Variants in SPTBN4 observed in about 807,000 individuals in gnomAD.
The protein encoded by SPTBN4 is spectrin beta chain, non-erythrocytic 4.
In SPTBN4, 96 loss-of-function variants were observed where a neutral mutation model predicts 277.8. The ratio of observed to expected loss-of-function variants is 0.35; its 90% CI spans 0.29 to 0.41. The LOEUF is 0.41. Ranked by LOEUF, SPTBN4 falls within the 10% of genes least tolerant of loss-of-function variation. SPTBN4 has a pLI of 1.00. For synonymous variants in SPTBN4, 1,481 were observed against 1,580.3 expected (o/e 0.94, Z 1.49); for missense variants, 3,006 against 3,595.7 (o/e 0.84, Z 4.19).
Position 40,537,504 on chromosome 19 carries a change from G to A in SPTBN4, c.4359+3161G>A, listed in dbSNP as rs866372404. ...ATAGTTGTAACCTTGCAGATGCCTT[G>A]AAAAGATCTCAGGGATCCCCCAGGG... On this transcript the variant is annotated intron_variant, in intron 20 of 35. Coordinates refer to ENST00000598249, the MANE Select transcript of SPTBN4 (RefSeq NM_020971.3). Among the ~76,000 whole-genome samples the A allele has an allele frequency of 1.6e-4, 24 of 152,336 alleles. No homozygotes were observed. In the South Asian group the frequency reaches 4.8e-3, roughly 30 times the overall value.
Position 40,567,669 on chromosome 19 carries a change from A to C in SPTBN4, c.6343A>C (p.Lys2115Gln). The change falls in exon 31 of 36, where the codon AAA becomes CAA. Residue 2115 changes from lysine to glutamine, a missense_variant. Coordinates refer to ENST00000598249, the MANE Select transcript of SPTBN4 (RefSeq NM_020971.3). Reference protein sequence around the residue: ...SSLRRLTTIEKIKAEQSKQPP... With the variant: ...SSLRRLTTIEQIKAEQSKQPP... ...CTGGTCCCTCCATCCTCAGATCGAGAAAATCAAAGCGGAACAGAGCAAGCA... is the reference window on the plus strand; with the variant it reads ...CTGGTCCCTCCATCCTCAGATCGAGCAAATCAAAGCGGAACAGAGCAAGCA... 2 of 1,518,934 alleles carry C rather than the reference A, an allele frequency of 1.3e-6. No homozygotes were observed. The highest frequency in any genetic ancestry group is 1.8e-6 in the Non-Finnish European group (2 of 1,132,648). 94.1% of individuals were successfully genotyped at this position (1,518,934 alleles called of 1,614,324 possible).
chr19:40,494,948 G>A lies in SPTBN4; in HGVS notation c.639G>A (p.Leu213=). 1 of 1,614,146 alleles carries A rather than the reference G, an allele frequency of 6.2e-7. No individual in the cohort carries two copies. Among genetic ancestry groups the A allele is most frequent in the African/African-American group, 1.3e-5 (1 of 75,032 alleles). ...QNFTTSWRDG[L]AFNALIHRHR... ...TCACCACCAGCTGGCGGGATGGCTT[G>A]GCCTTCAATGCCCTCATTCACCGGC... Residue 213 remains leucine, a synonymous_variant, in exon 6 of 36, where the codon TTG becomes TTA. Transcript: ENST00000598249.
chr19:40,502,210 G>A lies in SPTBN4; in HGVS notation c.980G>A (p.Arg327His), dbSNP rs375585194. Residue 327 changes from arginine (R) to histidine (H), a missense_variant, in exon 9 of 36, where the codon CGC becomes CAC. By Grantham distance (29) the Arg-to-His change is conservative (BLOSUM62 0). This residue lies in a region of SPTBN4 where 1,759 missense variants were observed against 2,061.5 expected (regional missense o/e 0.85). Transcript: ENST00000598249. This position sits in a 1 kb window ranked among gnomAD's most constrained non-coding sequence, Gnocchi z 4.9. The part of the protein sequence containing the change: ...LAAELLAWIH[R>H]TVGLISNQKF... ...GCTGAGCTGCTGGCCTGGATCCACC[G>A]CACCGTGGGCCTCATCAGCAATCAG... 62 of 1,614,008 alleles carry A rather than the reference G, an allele frequency of 3.8e-5. No individual in the cohort carries two copies. The highest frequency in any genetic ancestry group is 4.6e-5 in the Non-Finnish European group (54 of 1,180,020).
chr19:40,540,269 A>G (rs999607475), intron 20 of SPTBN4, among the ~76,000 whole-genome samples: 6 of 152,122 alleles, frequency 3.9e-5, no homozygotes, highest in Non-Finnish European at 8.8e-5. Context: ...GCATATCACC[A>G]TCACTCTACT....
At chr19:40,503,678 CAG>C (rs2080289250) in intron 11 of SPTBN4, 150 bp from the exon 12 acceptor site, 10 of 827,226 alleles carry the variant, frequency 1.2e-5, no homozygotes, top group African/African-American at 3.4e-5. Context: ...ACCTGGGTAA[CAG>C]GGGAGGATGA....
chr19:40,528,478 C>T (rs879886309), intron 17 of SPTBN4, among the ~76,000 whole-genome samples: 1 of 152,174 alleles, frequency 6.6e-6, no homozygotes, highest in Non-Finnish European at 1.5e-5. Context: ...GTCTGTCTGT[C>T]GTCTGTGGGG....
chr19:40,560,887 C>CAGAGGGTCCAGCATG lies in SPTBN4; in HGVS notation c.5915+484_5915+485insAGAGGGTCCAGCATG. 1 of 285,038 alleles carries CAGAGGGTCCAGCATG rather than the reference C, an allele frequency of 3.5e-6. No individual in the cohort carries two copies. Among genetic ancestry groups the CAGAGGGTCCAGCATG allele is most frequent in the Non-Finnish European group, 5.7e-6 (1 of 174,720 alleles). The allele number at this position is 285,038 out of a possible 1,614,324, so 17.7% of individuals were successfully genotyped here. On this transcript the variant is annotated intron_variant, in intron 27 of 35. Transcript: ENST00000598249. The surrounding 1 kb of genome is among the most constrained non-coding windows in gnomAD (Gnocchi z 5.2). ...ATCATGCCACCCTGGGAGTCACATGCTGGACCCTCTGCATCCCGCTGCAGA... is the reference window on the plus strand; with the variant it reads ...ATCATGCCACCCTGGGAGTCACATGCAGAGGGTCCAGCATGTGGACCCTCTGCATCCCGCTGCAGA...
intron 15 of SPTBN4, among the ~76,000 whole-genome samples, chr19:40,518,423 G>GT (rs1427447768): frequency 4.6e-5 from 7 of 151,826 alleles, no homozygotes; most frequent in Non-Finnish European, 1.0e-4. Flanking sequence ...AATTTAAAAT[G>GT]TTTTTATTTT....
intron 20 of SPTBN4, among the ~76,000 whole-genome samples, chr19:40,542,088 A>G (rs1421168654): frequency 1.3e-5 from 2 of 151,838 alleles, no homozygotes; most frequent in Non-Finnish European, 2.9e-5. Context: ...CGCCCGGCTA[A>G]TTTTTGTATT....
At chr19:40,568,896 C>T (rs1339429982) in intron 31 of SPTBN4, among the ~76,000 whole-genome samples, 1 of 152,166 alleles carries the variant, frequency 6.6e-6, no homozygotes, top group African/African-American at 2.4e-5. Flanking sequence ...TTTTAAATTG[C>T]ACATTTCATG....
Position 40,472,618 on chromosome 19 carries a change from C to T in SPTBN4, c.-4C>T, listed in dbSNP as rs757812995. The stretch of plus-strand genomic sequence containing the variant: ...CTCCCTATGTCCAGGCCTCACCTTC[C>T]CCGATGGCGCAGGTACCAGGGGAAG... On this transcript the variant is annotated 5_prime_UTR_variant, in exon 2 of 36. Transcript: ENST00000598249. 1 of 1,610,208 alleles carries T rather than the reference C, an allele frequency of 6.2e-7. No individual in the cohort carries two copies.
intron 2 of SPTBN4, among the ~76,000 whole-genome samples, chr19:40,484,839 G>C (rs2080052193): frequency 6.6e-6 from 1 of 152,002 alleles, no homozygotes; most frequent in East Asian, 1.9e-4. Context: ...GGCTGAGGCA[G>C]AAGAATGGCG....
chr19:40,569,936 C>CACACACACACACACACACACA (rs2081133937), intron 32 of SPTBN4, among the ~76,000 whole-genome samples: 1 of 131,470 alleles, frequency 7.6e-6, no homozygotes, highest in African/African-American at 3.0e-5. Context: ...TACTGCCCCT[C>CACACACACACACACACACACA]CACACACACA....
At chr19:40,522,603 C>G (rs2080540765) in intron 16 of SPTBN4, among the ~76,000 whole-genome samples, 2 of 151,402 alleles carry the variant, frequency 1.3e-5, no homozygotes, top group African/African-American at 4.9e-5. Context: ...CCACCCACCT[C>G]GGCCTCCCAA....
chr19:40,491,742 A>T (rs935620268), intron 4 of SPTBN4, among the ~76,000 whole-genome samples: 1 of 142,376 alleles, frequency 7.0e-6, no homozygotes, highest in Non-Finnish European at 1.5e-5. Flanking sequence ...AAAAAAAGTG[A>T]CCGGGCTTGG....
chr19:40,470,409 C>T (rs1245985662), intron 1 of SPTBN4, among the ~76,000 whole-genome samples: 3 of 152,076 alleles, frequency 2.0e-5, no homozygotes, highest in Non-Finnish European at 4.4e-5. Flanking sequence ...CAGGTTCAAG[C>T]GATTCTCCTG....
chr19:40,513,353 G>A lies in SPTBN4; in HGVS notation c.2564G>A (p.Arg855His). The A allele has an allele frequency of 6.3e-7, 1 of 1,595,352 alleles. No individual in the cohort carries two copies. The highest frequency in any genetic ancestry group is 8.5e-7 in the Non-Finnish European group (1 of 1,173,100). The part of the protein sequence containing the change: ...AGPLVVALQV[R>H]VVEAEQLFAE... Reference sequence around the variant, plus strand: ...CCACTGGTGGTGGCGCTGCAGGTGCGCGTGGTGGAAGCAGAGCAGTTGTTC... The same window carrying A: ...CCACTGGTGGTGGCGCTGCAGGTGCACGTGGTGGAAGCAGAGCAGTTGTTC... Residue 855 changes from arginine (R) to histidine (H), a missense_variant, in exon 14 of 36, where the codon CGC (arginine) becomes CAC (histidine). Coordinates refer to ENST00000598249, the MANE Select transcript of SPTBN4 (RefSeq NM_020971.3).
intron 26 of SPTBN4, among the ~76,000 whole-genome samples, chr19:40,559,055 G>A (rs2081015422): frequency 6.7e-6 from 1 of 150,254 alleles, no homozygotes; most frequent in Non-Finnish European, 1.5e-5. Flanking sequence ...CTTCAGCCTC[G>A]AGTAGCTGGG....
At chr19:40,489,216 CA>C (rs541919529) in intron 3 of SPTBN4, among the ~76,000 whole-genome samples, 1,008 of 54,696 alleles carry the variant, frequency 0.018, 11 homozygotes, top group African/African-American at 0.045. Context: ...CAACAAAAGC[CA>C]AAAAAAAAAA....
Sources: gnomAD v4.1 joint callset for allele counts (sites outside exome capture counted in the v4.1 genomes callset) on GRCh38, gnomAD v4.1.1 for gene constraint, gnomAD v4.1.1 regional missense constraint, Gnocchi (gnomAD v3.1) non-coding constraint, MANE v1.5 for transcripts, NCBI Gene and HGNC (gene_info 2026-07-23, HGNC 2026-07-21) for gene names.